TPD52L1: variants seen among roughly 807,000 people sequenced by gnomAD.
TPD52L1 encodes tumor protein D53.
In TPD52L1, 18 loss-of-function variants were observed where a neutral mutation model predicts 28.7. The ratio of observed to expected loss-of-function variants is 0.63; its 90% CI spans 0.43 to 0.93. The LOEUF (loss-of-function observed/expected upper bound fraction) is 0.93. Ranked by LOEUF, TPD52L1 falls within the 40% of genes least tolerant of loss-of-function variation. The pLI is 0.00. For synonymous variants in TPD52L1, 75 were observed against 88.8 expected (o/e 0.84, Z 0.88); for missense variants, 203 against 254.8 (o/e 0.80, Z 1.39).
intron 3 of TPD52L1, among the ~76,000 whole-genome samples, chr6:125,230,282 A>C (rs1795873624): frequency 6.6e-6 from 1 of 152,086 alleles, no homozygotes; most frequent in Admixed American, 6.6e-5. Flanking sequence ...GTCTTGTACC[A>C]AAGGGGAGTA....
chr6:125,220,061 A>G lies in TPD52L1; in HGVS notation c.20-17A>G. On this transcript the variant is annotated splice_polypyrimidine_tract_variant and intron_variant, in intron 1 of 6. Coordinates refer to ENST00000534000, the MANE Select transcript of TPD52L1 (RefSeq NM_003287.4). ...CACTTTAAAAATTGCCTTCTGTTTT[A>G]TCAATTCTGCCTAAAGGTTTGTTGG... 6.3e-7 allele frequency: 1 copy of G among 1,591,078 alleles called. No homozygotes were observed. Among genetic ancestry groups the G allele is most frequent in the Non-Finnish European group, 8.6e-7 (1 of 1,159,208 alleles).
intron 3 of TPD52L1, among the ~76,000 whole-genome samples, chr6:125,243,229 T>C (rs1214913459): frequency 1.3e-5 from 2 of 152,178 alleles, no homozygotes; most frequent in Non-Finnish European, 2.9e-5. Flanking sequence ...TCCTCATTGC[T>C]CTTAAGATTC....
intron 1 of TPD52L1, among the ~76,000 whole-genome samples, chr6:125,198,808 A>G (rs1793610287): frequency 6.6e-6 from 1 of 152,102 alleles, no homozygotes; most frequent in Non-Finnish European, 1.5e-5. Context: ...TGATTGCCAC[A>G]ACTTACGGGA....
At chr6:125,186,441 A>C (rs752581373) in intron 1 of TPD52L1, among the ~76,000 whole-genome samples, 7 of 152,184 alleles carry the variant, frequency 4.6e-5, no homozygotes, top group Non-Finnish European at 8.8e-5. Flanking sequence ...GACCAGAGGA[A>C]CCCAGTATAG....
intron 1 of TPD52L1, among the ~76,000 whole-genome samples, chr6:125,198,194 G>C (rs1271570466): frequency 3.3e-5 from 5 of 152,276 alleles, no homozygotes; most frequent in Admixed American, 2.6e-4. Context: ...CCTGATTACA[G>C]CAGGAACAAC....
chr6:125,221,244 G>A (rs1440057705), intron 2 of TPD52L1, among the ~76,000 whole-genome samples: 3 of 152,196 alleles, frequency 2.0e-5, no homozygotes, highest in South Asian at 2.1e-4. Flanking sequence ...ATTTCAGTAA[G>A]CACAGTGCCT....
chr6:125,186,415 A>T (rs1293988552), intron 1 of TPD52L1, among the ~76,000 whole-genome samples: 1 of 152,198 alleles, frequency 6.6e-6, no homozygotes, highest in African/African-American at 2.4e-5. Context: ...TGCAGGTCAT[A>T]GTTTGTCAAA....
chr6:125,252,692 A>T (rs1188701761), intron 4 of TPD52L1: 1 of 152,220 alleles, frequency 6.6e-6, no homozygotes, highest in African/African-American at 2.4e-5. Context: ...GGTAATGCAG[A>T]TGAGGCTCTT....
intron 6 of TPD52L1, chr6:125,261,649 C>A: frequency 6.9e-6 from 1 of 144,878 alleles, no homozygotes; most frequent in African/African-American, 2.5e-5. Flanking sequence ...AAAAAAAGGG[C>A]AAGTTGCATT....
chr6:125,165,694 G>A (rs1403440250), intron 1 of TPD52L1, among the ~76,000 whole-genome samples: 1 of 152,000 alleles, frequency 6.6e-6, no homozygotes, highest in Admixed American at 6.6e-5. Context: ...TCAACTCCTT[G>A]GAAATACATT....
chr6:125,217,234 G>C (rs1267425768), intron 1 of TPD52L1, among the ~76,000 whole-genome samples: 1 of 152,116 alleles, frequency 6.6e-6, no homozygotes, highest in Non-Finnish European at 1.5e-5. Flanking sequence ...AAGGGTGGCG[G>C]TGATGTTTTT....
chr6:125,182,295 T>C (rs747931751), intron 1 of TPD52L1, among the ~76,000 whole-genome samples: 11 of 152,174 alleles, frequency 7.2e-5, no homozygotes, highest in Non-Finnish European at 1.3e-4. Flanking sequence ...CAAACACTGA[T>C]CAAGTGCACA....
chr6:125,163,053 C>A (rs148141197), intron 1 of TPD52L1, among the ~76,000 whole-genome samples: 1 of 152,112 alleles, frequency 6.6e-6, no homozygotes, highest in South Asian at 2.1e-4. Context: ...CTGTGCCACA[C>A]GTGCAAAGGG....
intron 1 of TPD52L1, among the ~76,000 whole-genome samples, chr6:125,216,734 C>T (rs1794919848): frequency 6.6e-6 from 1 of 151,796 alleles, no homozygotes; most frequent in African/African-American, 2.4e-5. Flanking sequence ...AATTACTTAG[C>T]ATTGAAACTG....
intron 1 of TPD52L1, among the ~76,000 whole-genome samples, chr6:125,201,412 C>G (rs755455636): frequency 3.3e-5 from 5 of 151,954 alleles, no homozygotes; most frequent in East Asian, 1.9e-4. Flanking sequence ...TACTTGAATA[C>G]TGGTGCCCTA....
chr6:125,194,965 C>T (rs1409042949), intron 1 of TPD52L1, among the ~76,000 whole-genome samples: 1 of 152,146 alleles, frequency 6.6e-6, no homozygotes, highest in African/African-American at 2.4e-5. Flanking sequence ...AGTCAGTGTT[C>T]TGAAGTAGGG....
At chr6:125,256,613 G>T (rs1360033709) in intron 5 of TPD52L1, among the ~76,000 whole-genome samples, 1 of 152,082 alleles carries the variant, frequency 6.6e-6, no homozygotes, top group Non-Finnish European at 1.5e-5. Flanking sequence ...CACTATTTCT[G>T]AATTGTCTCA....
intron 6 of TPD52L1, among the ~76,000 whole-genome samples, chr6:125,258,063 C>T (rs1797707348): frequency 6.6e-6 from 1 of 152,178 alleles, no homozygotes; most frequent in Non-Finnish European, 1.5e-5. Flanking sequence ...ACGCTGCTCT[C>T]ACGTGTGCTG....
chr6:125,167,316 C>T (rs1036239557), intron 1 of TPD52L1, among the ~76,000 whole-genome samples: 21 of 152,158 alleles, frequency 1.4e-4, no homozygotes, highest in African/African-American at 4.8e-4. Context: ...GGGTGGAAAA[C>T]GCTGATTCCT....
Sources: allele counts gnomAD v4.1 joint callset (sites outside exome capture counted in the v4.1 genomes callset), GRCh38; gene constraint gnomAD v4.1.1; transcripts MANE v1.5; gene names NCBI Gene and HGNC (gene_info 2026-07-23, HGNC 2026-07-21).